The following COL4A6 variants were observed in gnomAD, a reference collection of about 807,000 sequenced individuals.
COL4A6 encodes collagen type IV alpha 6 chain, also known as collagen alpha-6(IV) chain.
Under a neutral mutation model 126.7 loss-of-function variants are expected in COL4A6, and 59 were observed. That is an observed-to-expected ratio of 0.47 (90% CI 0.38 to 0.58). The LOEUF is 0.58. Ranked by LOEUF, COL4A6 falls within the 20% of genes least tolerant of loss-of-function variation. The pLI is 0.00. For missense variants in COL4A6, 1,285 were observed against 1,337.3 expected (o/e 0.96, Z 0.61); for synonymous variants, 547 against 496.6 (o/e 1.10, Z -1.35).
intron 2 of COL4A6, among the ~76,000 whole-genome samples, chrX:108,336,789 C>G (rs1200734521): frequency 9.0e-6 from 1 of 111,349 alleles, no homozygotes; most frequent in African/African-American, 3.3e-5. Context: ...TTAGATTGCA[C>G]TGTTGCAATG....
chrX:108,240,671 A>G (rs1473968995), intron 3 of COL4A6, among the ~76,000 whole-genome samples: 1 of 111,741 alleles, frequency 8.9e-6, no homozygotes, highest in African/African-American at 3.3e-5. Context: ...TTAAGTGCTC[A>G]CTCAATATTG....
chrX:108,362,055 TTGTG>T (rs10548613), intron 2 of COL4A6, among the ~76,000 whole-genome samples: 30 of 103,129 alleles, frequency 2.9e-4, no homozygotes, highest in South Asian at 1.3e-3. Context: ...TCAAACTAGT[TTGTG>T]TGTGTGTGTG....
intron 2 of COL4A6, among the ~76,000 whole-genome samples, chrX:108,348,074 A>C (rs1434118824): frequency 9.0e-6 from 1 of 111,517 alleles, no homozygotes; most frequent in Non-Finnish European, 1.9e-5. Context: ...CCATATCCGC[A>C]CAGCTGCAAT....
chrX:108,185,193 A>G (rs917338855), intron 23 of COL4A6, among the ~76,000 whole-genome samples: 2 of 110,677 alleles, frequency 1.8e-5, no homozygotes, highest in African/African-American at 6.6e-5. Context: ...GGAGTTTGAG[A>G]CCAGCCTGGC....
intron 2 of COL4A6, among the ~76,000 whole-genome samples, chrX:108,387,778 A>G (rs1011948853): frequency 8.9e-6 from 1 of 112,160 alleles, no homozygotes; most frequent in African/African-American, 3.2e-5. Flanking sequence ...GAGATAGGAC[A>G]TCCTTGCCTT....
intron 2 of COL4A6, among the ~76,000 whole-genome samples, chrX:108,385,384 A>C (rs2040664033): frequency 9.0e-6 from 1 of 111,529 alleles, no homozygotes; most frequent in Non-Finnish European, 1.9e-5. Flanking sequence ...ATGTTCATAG[A>C]TCAGAAGGCA....
At position 108,221,220 on chromosome X, in the gene COL4A6, T is replaced by G; in HGVS notation, c.279+20A>C. ...TTGTGGCCCATGCATCAAAGAGAAA[T>G]CAAGCTTTGCTGGTCTTACCTTATC... On this transcript the variant is annotated intron_variant, in intron 4 of 44. Coordinates refer to ENST00000334504, the MANE Select transcript of COL4A6 (RefSeq NM_033641.4). 1 of 1,210,501 alleles carries G rather than the reference T, an allele frequency of 8.3e-7. No individual in the cohort carries two copies. The highest frequency in any genetic ancestry group is 1.1e-6 in the Non-Finnish European group (1 of 894,555).
At chrX:108,423,048 G>A (rs1182886286) in intron 2 of COL4A6, among the ~76,000 whole-genome samples, 1 of 112,226 alleles carries the variant, frequency 8.9e-6, no homozygotes, top group Admixed American at 9.4e-5. Context: ...TTTGCCTTTA[G>A]TTTGCGATTT....
At chrX:108,276,278 C>A (rs1172688890) in intron 3 of COL4A6, among the ~76,000 whole-genome samples, 1 of 112,511 alleles carries the variant, frequency 8.9e-6, no homozygotes, top group African/African-American at 3.2e-5. Context: ...CCAAAGCATG[C>A]CAAGCTCTCT....
rs754571239 is a variant in COL4A6, at chrX:108,187,999, C to T, written c.1616G>A (p.Gly539Glu). The stretch of plus-strand genomic sequence containing the variant: ...TGGTTCCCCCTTCTTTCCTTTGGGT[C>T]CTGAAGGACCCAGAGGCCCAACTAA... The part of the protein sequence containing the change: ...PGLVGPLGPS[G>E]PKGKKGEPIL... Residue 539 changes from glycine to glutamate, a missense_variant, in exon 22 of 45, where the codon GGA (glycine) becomes GAA (glutamate). Physicochemically the swap from Gly to Glu is moderately conservative, Grantham distance 98. Transcript: ENST00000334504. The T allele has an allele frequency of 8.3e-7, 1 of 1,198,974 alleles. No individual in the cohort carries two copies. The highest frequency in any genetic ancestry group is 2.2e-5 in the Admixed American group (1 of 45,655).
chrX:108,243,715 A>G (rs2036637286), intron 3 of COL4A6, among the ~76,000 whole-genome samples: 1 of 112,233 alleles, frequency 8.9e-6, no homozygotes, highest in South Asian at 3.7e-4. Flanking sequence ...TGCTCTAAAT[A>G]GTAGTTGAAC....
chrX:108,203,201 C>T (rs1485943064), intron 12 of COL4A6, among the ~76,000 whole-genome samples: 2 of 111,552 alleles, frequency 1.8e-5, no homozygotes, highest in African/African-American at 6.5e-5. Context: ...GATTATGGAC[C>T]ATAACTGTCT....
At chrX:108,324,104 T>C (rs1490326833) in intron 2 of COL4A6, among the ~76,000 whole-genome samples, 1 of 112,242 alleles carries the variant, frequency 8.9e-6, no homozygotes. Context: ...GTTGGGAGAT[T>C]AAGAATTTTG....
At chrX:108,346,598 G>T (rs2039713657) in intron 2 of COL4A6, among the ~76,000 whole-genome samples, 1 of 112,000 alleles carries the variant, frequency 8.9e-6, no homozygotes, top group South Asian at 3.7e-4. Context: ...TAGGTTCTTG[G>T]AAAGTGTGAC....
intron 30 of COL4A6, 69 bp from the exon 31 acceptor site, chrX:108,174,690 G>T: frequency 1.0e-6 from 1 of 1,003,866 alleles, no homozygotes; most frequent in Non-Finnish European, 1.3e-6. Flanking sequence ...CAAGATGCAG[G>T]TGCCCCAGGT....
At position 108,309,801 on chromosome X, in the gene COL4A6, AACACACACACACAC is replaced by A. The variant is rs4036315; in HGVS notation, c.144+933_144+946del. On this transcript the variant is annotated intron_variant, in intron 3 of 44. Coordinates refer to ENST00000334504, the MANE Select transcript of COL4A6 (RefSeq NM_033641.4). ...CTGTAGGATGGCCATTAATCCTGGA[AACACACACACACAC>A]ACACACACACACACACACACACACA... Among the ~76,000 whole-genome samples, 151 of 80,895 alleles carry A rather than the reference AACACACACACACAC, an allele frequency of 1.9e-3. 1 individual carries two copies. The highest frequency in any genetic ancestry group is 4.6e-3 in the African/African-American group (100 of 21,730). 70.2% of individuals were successfully genotyped at this position (80,895 alleles called of 115,157 possible).
chrX:108,272,505 T>C (rs905376431), intron 3 of COL4A6, among the ~76,000 whole-genome samples: 2 of 111,435 alleles, frequency 1.8e-5, no homozygotes, highest in Admixed American at 9.6e-5. Context: ...CATGTATGCA[T>C]AGCCAGCCTC....
rs199985525 is a variant in COL4A6 at position 108,205,915 on chromosome X, T to C, written c.610-220A>G. 3.6e-5 allele frequency among the ~76,000 whole-genome samples: 4 copies of C among 111,356 alleles called. No homozygotes were observed. In the East Asian group the frequency reaches 8.5e-4, roughly 24 times the overall value. ...GCTAAGGTAGTGAAGACTTCATGTG[T>C]CATTCCTCCCAACAGGCCAGAAATT... is the stretch of plus-strand genomic sequence containing the variant. On this transcript the variant is annotated intron_variant, in intron 9 of 44. Coordinates refer to ENST00000334504, the MANE Select transcript of COL4A6 (RefSeq NM_033641.4).
intron 37 of COL4A6, among the ~76,000 whole-genome samples, chrX:108,167,623 A>G (rs1051719922): frequency 2.7e-5 from 3 of 111,630 alleles, no homozygotes; most frequent in Non-Finnish European, 5.6e-5. Flanking sequence ...GGCATGAGTC[A>G]CTGCACCCAA....
Sources: allele counts gnomAD v4.1 joint callset (sites outside exome capture counted in the v4.1 genomes callset), GRCh38; gene constraint gnomAD v4.1.1; transcripts MANE v1.5; gene names NCBI Gene and HGNC (gene_info 2026-07-23, HGNC 2026-07-21).